FYN: variants seen among roughly 807,000 people sequenced by gnomAD.
FYN encodes FYN proto-oncogene, Src family tyrosine kinase.
FYN carries 10 observed loss-of-function variants against 70.2 expected under a neutral mutation model. That is an observed-to-expected ratio of 0.14 (90% CI 0.09 to 0.24). The LOEUF (loss-of-function observed/expected upper bound fraction) is 0.24, where lower values mean the gene tolerates loss of function less well. Among genes scored for constraint, FYN ranks in the 10% least tolerant of loss-of-function variants. The pLI, the probability that FYN is intolerant of heterozygous loss-of-function variation, is 1.00. For synonymous variants in FYN, 236 were observed against 248.6 expected, an observed-to-expected ratio of 0.95 and a Z score of 0.48; for missense variants, 319 against 673.1, an observed-to-expected ratio of 0.47 and a Z score of 5.82.
intron 3 of FYN, among the ~76,000 whole-genome samples, chr6:111,766,773 GTAACT>G (rs1803243660): frequency 6.6e-6 from 1 of 152,130 alleles, no homozygotes; most frequent in Non-Finnish European, 1.5e-5. Flanking sequence ...CAGCACGGGG[GTAACT>G]GCCCCTAAGA....
In FYN at chr6:111,851,147, G is replaced by A. The variant is rs960414697; in HGVS notation, c.-122-4518C>T. Among the ~76,000 whole-genome samples, 74 of 152,180 alleles carry A rather than the reference G, an allele frequency of 4.9e-4. 1 individual carries two copies. Among genetic ancestry groups the A allele is most frequent in the African/African-American group, 1.8e-3 (74 of 41,516 alleles). On this transcript the variant is annotated intron_variant, in intron 1 of 13. Transcript: ENST00000354650. ...GGTACTACCCCAGGGGCATCTAGGG[G>A]AAGACTCTAGTCTAGTAGAGGACAG...
chr6:111,720,238 C>T (rs1431867821), intron 3 of FYN, among the ~76,000 whole-genome samples, 176 bp from the exon 4 acceptor site: 1 of 152,148 alleles, frequency 6.6e-6, no homozygotes, highest in Non-Finnish European at 1.5e-5. Flanking sequence ...AGTTCCTTGA[C>T]CCCACAATCG....
chr6:111,748,948 G>C (rs541489078), intron 3 of FYN, among the ~76,000 whole-genome samples: 1 of 152,292 alleles, frequency 6.6e-6, no homozygotes, highest in Admixed American at 6.5e-5. Context: ...AATCCAAATT[G>C]AAGATTTGGT....
At chr6:111,851,554 G>C (rs1196820273) in intron 1 of FYN, among the ~76,000 whole-genome samples, 6 of 152,194 alleles carry the variant, frequency 3.9e-5, no homozygotes, top group Non-Finnish European at 2.9e-5. Flanking sequence ...TTAGTATCAT[G>C]ATGACCACCT....
intron 1 of FYN, among the ~76,000 whole-genome samples, chr6:111,855,734 C>T (rs1163550006): frequency 5.3e-5 from 8 of 152,154 alleles, no homozygotes; most frequent in African/African-American, 1.9e-4. Flanking sequence ...CTGTTCCAAA[C>T]TAGTTGGAAG....
intron 2 of FYN, among the ~76,000 whole-genome samples, chr6:111,783,350 GA>G (rs1258980502): frequency 1.3e-5 from 2 of 151,858 alleles, no homozygotes; most frequent in Non-Finnish European, 2.9e-5. Flanking sequence ...CATGACTGAT[GA>G]GATTTCCACT....
At chr6:111,753,099 G>C (rs1275495742) in intron 3 of FYN, among the ~76,000 whole-genome samples, 2 of 152,130 alleles carry the variant, frequency 1.3e-5, no homozygotes, top group African/African-American at 2.4e-5. Context: ...AGAAAAAACT[G>C]GTCTTGCAGA....
intron 2 of FYN, among the ~76,000 whole-genome samples, chr6:111,790,883 T>C (rs1028872443): frequency 6.6e-6 from 1 of 152,102 alleles, no homozygotes; most frequent in Non-Finnish European, 1.5e-5. Flanking sequence ...ATGCTGAAAA[T>C]GACAAAACGT....
chr6:111,808,742 A>C (rs1472748719), intron 2 of FYN, among the ~76,000 whole-genome samples: 1 of 152,188 alleles, frequency 6.6e-6, no homozygotes, highest in East Asian at 1.9e-4. Context: ...CCATCATCAC[A>C]CAGGACAGCA....
intron 12 of FYN, among the ~76,000 whole-genome samples, chr6:111,678,245 C>T (rs1396959116): frequency 1.3e-5 from 2 of 151,874 alleles, no homozygotes; most frequent in African/African-American, 4.8e-5. Flanking sequence ...TTGCCGAAAC[C>T]TCGACTTGTC....
rs546739002 is a variant in FYN at position 111,854,913 on chromosome 6, G to A, written c.-122-8284C>T. 2.5e-4 allele frequency among the ~76,000 whole-genome samples: 38 copies of A among 152,286 alleles called. 2 individuals are homozygous for A. In the South Asian group the frequency reaches 7.7e-3, roughly 31 times the overall value. On this transcript the variant is annotated intron_variant, in intron 1 of 13. Transcript: ENST00000354650. ...ACTTCAAATGTTAATAATGATGCAA[G>A]ACTATGTTAAGGAAGATGATTTAAC... is the stretch of plus-strand genomic sequence containing the variant.
intron 1 of FYN, 116 bp from the exon 2 acceptor site, chr6:111,846,745 GC>G (rs1281991499): frequency 5.0e-6 from 2 of 396,954 alleles, no homozygotes; most frequent in Non-Finnish European, 8.9e-6. Flanking sequence ...CAATCAATTT[GC>G]CCACAAATTT....
chr6:111,831,849 TA>T (rs1470954178), intron 2 of FYN, among the ~76,000 whole-genome samples: 1 of 152,164 alleles, frequency 6.6e-6, no homozygotes, highest in African/African-American at 2.4e-5. Context: ...AGAAATTCAT[TA>T]CATACATCCT....
At chr6:111,715,603 C>T (rs1021921404) in intron 4 of FYN, among the ~76,000 whole-genome samples, 1 of 152,100 alleles carries the variant, frequency 6.6e-6, no homozygotes, top group Non-Finnish European at 1.5e-5. Context: ...TGAAGCAAGG[C>T]GCCATGCTGG....
At chr6:111,872,096 T>C (rs1774290279) in intron 1 of FYN, among the ~76,000 whole-genome samples, 1 of 151,920 alleles carries the variant, frequency 6.6e-6, no homozygotes, top group African/African-American at 2.4e-5. Flanking sequence ...ACCCGGCGAG[T>C]CTGTGTGATT....
At chr6:111,683,252 G>T (rs1798850278) in intron 12 of FYN, among the ~76,000 whole-genome samples, 1 of 152,220 alleles carries the variant, frequency 6.6e-6, no homozygotes, top group Admixed American at 6.5e-5. Flanking sequence ...ACATAAGCAG[G>T]AGATGAGGGC....
At chr6:111,751,664 T>C (rs112837928) in intron 3 of FYN, among the ~76,000 whole-genome samples, 5,700 of 152,132 alleles carry the variant, frequency 0.037, 351 homozygotes, top group African/African-American at 0.13. Context: ...CTCGGTCATC[T>C]AGGCTGGAGT....
At chr6:111,702,087 G>A (rs955358873) in intron 8 of FYN, among the ~76,000 whole-genome samples, 5 of 152,036 alleles carry the variant, frequency 3.3e-5, no homozygotes, top group Non-Finnish European at 5.9e-5. Context: ...ATATCTCTAG[G>A]CTTAATAGGA....
intron 5 of FYN, 116 bp downstream of exon 5, chr6:111,714,231 G>A: frequency 1.5e-6 from 1 of 687,660 alleles, no homozygotes; most frequent in Non-Finnish European, 2.6e-6. Flanking sequence ...GTAAACCAGT[G>A]AATTTAGCAA....
Sources: allele counts gnomAD v4.1 joint callset (sites outside exome capture counted in the v4.1 genomes callset), GRCh38; gene constraint gnomAD v4.1.1; transcripts MANE v1.5; gene names NCBI Gene and HGNC (gene_info 2026-07-23, HGNC 2026-07-21).